PTPRK: variants seen among roughly 807,000 people sequenced by gnomAD.
PTPRK encodes the protein protein tyrosine phosphatase receptor type K.
Under a neutral mutation model 178.0 loss-of-function variants are expected in PTPRK, and 75 were observed. The ratio of observed to expected loss-of-function variants is 0.42; its 90% CI spans 0.35 to 0.51. PTPRK has a LOEUF of 0.51. Among genes scored for constraint, PTPRK ranks in the 20% least tolerant of loss-of-function variants. PTPRK has a pLI of 0.02. For missense variants in PTPRK, 1,441 were observed against 1,797.8 expected, an observed-to-expected ratio of 0.80 and a Z score of 3.59; for synonymous variants, 637 against 620.6, an observed-to-expected ratio of 1.03 and a Z score of -0.39.
At chr6:128,208,594 A>C (rs1041882940) in intron 6 of PTPRK, among the ~76,000 whole-genome samples, 2 of 152,148 alleles carry the variant, frequency 1.3e-5, no homozygotes, top group African/African-American at 4.8e-5. Flanking sequence ...AATAAAAAAG[A>C]CATCATATTT....
rs76315649 is a variant in PTPRK, at chr6:128,176,531, T to C, written c.1162+7901A>G. 5.1e-3 allele frequency among the ~76,000 whole-genome samples: 774 copies of C among 151,952 alleles called. 2 individuals are homozygous for C. Among genetic ancestry groups the C allele is most frequent in the African/African-American group, 0.018 (734 of 41,530 alleles). On this transcript the variant is annotated intron_variant, in intron 7 of 29. Transcript: ENST00000368226. ...TGCACAGATCTTGCTTAGGGTGACA[T>C]AAAAGGCATGAATTTCTGCCCTTTG...
chr6:128,503,873 T>C (rs1855924213), intron 1 of PTPRK, among the ~76,000 whole-genome samples: 2 of 150,996 alleles, frequency 1.3e-5, no homozygotes, highest in Admixed American at 6.6e-5. Flanking sequence ...TGTGTGTGTG[T>C]GTGTGTGTGT....
chr6:128,053,206 G>C (rs1452587868), intron 13 of PTPRK, among the ~76,000 whole-genome samples: 2 of 143,172 alleles, frequency 1.4e-5, no homozygotes, highest in South Asian at 2.1e-4. Context: ...AGTTTCACCT[G>C]TGTTTTTTAA....
intron 1 of PTPRK, among the ~76,000 whole-genome samples, chr6:128,484,690 A>C (rs571025419): frequency 6.6e-6 from 1 of 152,238 alleles, no homozygotes; most frequent in Non-Finnish European, 1.5e-5. Flanking sequence ...TATTTTAAAA[A>C]CAAAGTGTTG....
At chr6:128,304,515 T>C (rs1183832233) in intron 3 of PTPRK, among the ~76,000 whole-genome samples, 1 of 152,222 alleles carries the variant, frequency 6.6e-6, no homozygotes, top group African/African-American at 2.4e-5. Context: ...ATGGAAAGGC[T>C]CACTAAGAAC....
intron 7 of PTPRK, among the ~76,000 whole-genome samples, chr6:128,177,458 T>A (rs1473979746): frequency 1.3e-5 from 2 of 151,776 alleles, no homozygotes; most frequent in Non-Finnish European, 2.9e-5. Flanking sequence ...GAGTACTTAA[T>A]GATACAGTTA....
intron 5 of PTPRK, among the ~76,000 whole-genome samples, chr6:128,222,175 T>C (rs373813022): frequency 2.0e-5 from 3 of 152,340 alleles, no homozygotes; most frequent in African/African-American, 7.2e-5. Flanking sequence ...CACTATGCCT[T>C]TCAAAACCCT....
At chr6:128,118,262 G>T (rs1230004638) in intron 7 of PTPRK, among the ~76,000 whole-genome samples, 2 of 152,124 alleles carry the variant, frequency 1.3e-5, no homozygotes, top group African/African-American at 2.4e-5. Context: ...GGTCACCGTG[G>T]ACTTACATGG....
At chr6:127,999,816 T>A (rs1429981803) in intron 15 of PTPRK, 3 of 333,150 alleles carry the variant, frequency 9.0e-6, no homozygotes, top group African/African-American at 6.7e-5. Flanking sequence ...GCCTGATGCA[T>A]AACAGTAACT....
intron 7 of PTPRK, among the ~76,000 whole-genome samples, chr6:128,092,555 T>C (rs1225806722): frequency 6.6e-6 from 1 of 152,190 alleles, no homozygotes. Context: ...ACATATGCAG[T>C]ACATACATGT....
At chr6:128,301,224 G>GT (rs781163845) in intron 3 of PTPRK, among the ~76,000 whole-genome samples, 19 of 152,054 alleles carry the variant, frequency 1.2e-4, no homozygotes, top group Non-Finnish European at 2.5e-4. Context: ...TTGTCCAACT[G>GT]TAAAAAATTT....
intron 1 of PTPRK, among the ~76,000 whole-genome samples, chr6:128,463,422 G>T (rs1418994446): frequency 6.6e-6 from 1 of 152,106 alleles, no homozygotes; most frequent in African/African-American, 2.4e-5. Context: ...GCTTACACAT[G>T]TTGAATGCCT....
intron 2 of PTPRK, among the ~76,000 whole-genome samples, chr6:128,354,238 T>TTTTTTTG (rs1833636048): frequency 5.8e-5 from 5 of 86,646 alleles, no homozygotes; most frequent in Non-Finnish European, 1.2e-4. Flanking sequence ...TATGTTTTTT[T>TTTTTTTG]TTTTTTTTTT....
At chr6:128,399,563 T>C (rs1840761057) in intron 1 of PTPRK, among the ~76,000 whole-genome samples, 1 of 152,346 alleles carries the variant, frequency 6.6e-6, no homozygotes, top group South Asian at 2.1e-4. Context: ...TATCTTCACA[T>C]AGCAAGAGGA....
At chr6:128,330,289 C>T (rs72972084) in intron 2 of PTPRK, among the ~76,000 whole-genome samples, 8,435 of 152,122 alleles carry the variant, frequency 0.055, 298 homozygotes, top group Non-Finnish European at 0.07. Flanking sequence ...ACTTCTGTTG[C>T]TATTACCTTT....
At chr6:127,990,275 T>G (rs537980305) in intron 21 of PTPRK, among the ~76,000 whole-genome samples, 1 of 152,234 alleles carries the variant, frequency 6.6e-6, no homozygotes, top group East Asian at 1.9e-4. Flanking sequence ...TCTAACAGCT[T>G]TACACATGCC....
chr6:128,344,831 A>G (rs1430591407), intron 2 of PTPRK, among the ~76,000 whole-genome samples: 1 of 152,008 alleles, frequency 6.6e-6, no homozygotes, highest in Non-Finnish European at 1.5e-5. Flanking sequence ...CTCACTTCTA[A>G]AGAGGACTTT....
intron 13 of PTPRK, among the ~76,000 whole-genome samples, chr6:128,029,851 T>C (rs967414321): frequency 1.3e-5 from 2 of 151,994 alleles, no homozygotes; most frequent in Non-Finnish European, 2.9e-5. Flanking sequence ...GAATCTATAC[T>C]CTCAAAAATA....
At chr6:128,103,866 G>C (rs897332386) in intron 7 of PTPRK, among the ~76,000 whole-genome samples, 5 of 152,128 alleles carry the variant, frequency 3.3e-5, no homozygotes, top group Admixed American at 3.3e-4. Flanking sequence ...AAAGCCCCCA[G>C]TGACTTCCCA....
Sources: allele counts gnomAD v4.1 joint callset (sites outside exome capture counted in the v4.1 genomes callset), GRCh38; gene constraint gnomAD v4.1.1; transcripts MANE v1.5; gene names NCBI Gene and HGNC (gene_info 2026-07-23, HGNC 2026-07-21).